Variants in TSPAN15 observed in about 807,000 individuals in gnomAD.
The protein encoded by TSPAN15 is tetraspanin-15.
In TSPAN15, 20 loss-of-function variants were observed where a neutral mutation model predicts 34.5. The observed-to-expected ratio is 0.58, with a 90% CI of 0.41 to 0.84. The LOEUF is 0.84. Ranked by LOEUF, TSPAN15 falls within the 40% of genes least tolerant of loss-of-function variation. The pLI is 0.00. For synonymous variants in TSPAN15, 155 were observed against 153.9 expected, an observed-to-expected ratio of 1.01 and a Z score of -0.05; for missense variants, 313 against 386.1, an observed-to-expected ratio of 0.81 and a Z score of 1.59.
chr10:69,515,458 A>ATC, the TSPAN15 span, among the ~76,000 whole-genome samples: 1 of 151,910 alleles, frequency 6.6e-6, no homozygotes. Context: ...CCACCTTCCC[A>ATC]TCTCCTCTGA....
chr10:69,456,237 A>G (rs1314886689), intron 1 of TSPAN15, among the ~76,000 whole-genome samples: 1 of 151,814 alleles, frequency 6.6e-6, no homozygotes, highest in Non-Finnish European at 1.5e-5. Context: ...ACAGGCGCCT[A>G]CTACCACGAT....
chr10:69,498,016 C>T (rs965533295), intron 4 of TSPAN15, among the ~76,000 whole-genome samples: 2 of 152,160 alleles, frequency 1.3e-5, no homozygotes, highest in Non-Finnish European at 2.9e-5. Flanking sequence ...GACCTTTCCT[C>T]CCAGTGCCTA....
At chr10:69,535,805 G>A in the TSPAN15 span, among the ~76,000 whole-genome samples, 1 of 152,238 alleles carries the variant, frequency 6.6e-6, no homozygotes, top group Non-Finnish European at 1.5e-5. Flanking sequence ...CCAGTCCAGA[G>A]TGAGACTTGG....
chr10:69,518,193 C>A, the TSPAN15 span, among the ~76,000 whole-genome samples: 2 of 152,154 alleles, frequency 1.3e-5, no homozygotes, highest in Non-Finnish European at 2.9e-5. Context: ...CAATGAATAG[C>A]AGATCTGAAA....
At chr10:69,496,220 C>A (rs561359949) in intron 4 of TSPAN15, among the ~76,000 whole-genome samples, 1 of 151,892 alleles carries the variant, frequency 6.6e-6, no homozygotes, top group Non-Finnish European at 1.5e-5. Context: ...GTGAACCAGA[C>A]GCCTCTCTTA....
intron 5 of TSPAN15, among the ~76,000 whole-genome samples, chr10:69,500,142 G>GATCCAACCTGGATCC (rs1200924013): frequency 6.6e-6 from 1 of 152,196 alleles, no homozygotes; most frequent in East Asian, 1.9e-4. Flanking sequence ...TCTTGTCCAG[G>GATCCAACCTGGATCC]AAGGTGCTCT....
intron 1 of TSPAN15, among the ~76,000 whole-genome samples, chr10:69,464,976 C>T (rs887795303): frequency 1.3e-5 from 2 of 152,206 alleles, no homozygotes; most frequent in African/African-American, 4.8e-5. Context: ...GCTGGGGGAA[C>T]CCTGTTCATG....
intron 1 of TSPAN15, among the ~76,000 whole-genome samples, chr10:69,453,240 A>T (rs1841013259): frequency 6.6e-6 from 1 of 152,118 alleles, no homozygotes; most frequent in African/African-American, 2.4e-5. Flanking sequence ...TTGAGCTATA[A>T]ATCAGCGGTT....
downstream of TSPAN15, among the ~76,000 whole-genome samples, chr10:69,512,027 A>G (rs1432076364): frequency 6.6e-6 from 1 of 152,242 alleles, no homozygotes; most frequent in East Asian, 1.9e-4. Flanking sequence ...ACCATGGCAC[A>G]TGTATACCTA....
At chr10:69,508,891 C>T (rs1201550709), downstream of TSPAN15, among the ~76,000 whole-genome samples, 1 of 152,210 alleles carries the variant, frequency 6.6e-6, no homozygotes, top group African/African-American at 2.4e-5. Flanking sequence ...ACTAGGCATG[C>T]AAAACCAGTG....
the TSPAN15 span, among the ~76,000 whole-genome samples, chr10:69,533,751 A>T: frequency 6.6e-6 from 1 of 152,234 alleles, no homozygotes; most frequent in Non-Finnish European, 1.5e-5. Context: ...GGTCAGAAGC[A>T]CAGGTAAAAC....
At chr10:69,508,900 T>C (rs1842386657), downstream of TSPAN15, among the ~76,000 whole-genome samples, 1 of 152,232 alleles carries the variant, frequency 6.6e-6, no homozygotes, top group South Asian at 2.1e-4. Context: ...GCAAAACCAG[T>C]GGAGGCTGCA....
At chr10:69,464,784 A>G (rs529202292) in intron 1 of TSPAN15, among the ~76,000 whole-genome samples, 2 of 152,172 alleles carry the variant, frequency 1.3e-5, no homozygotes, top group Non-Finnish European at 2.9e-5. Context: ...GCCACCCAGC[A>G]TGTGCCCCTG....
chr10:69,541,978 G>A, the TSPAN15 span, among the ~76,000 whole-genome samples: 1 of 152,214 alleles, frequency 6.6e-6, no homozygotes, highest in South Asian at 2.1e-4. Context: ...CGTTACTTAT[G>A]CAAATTTCTG....
intron 1 of TSPAN15, among the ~76,000 whole-genome samples, chr10:69,475,652 C>T (rs1225315999): frequency 6.6e-6 from 1 of 152,172 alleles, no homozygotes; most frequent in African/African-American, 2.4e-5. Flanking sequence ...CTAGCTCCTT[C>T]ACAGCCTGGA....
chr10:69,488,038 C>T (rs991082204), intron 3 of TSPAN15, among the ~76,000 whole-genome samples: 12 of 152,158 alleles, frequency 7.9e-5, no homozygotes, highest in African/African-American at 1.7e-4. Context: ...GCAGTAAGAT[C>T]GCTACAATGA....
At chr10:69,464,979 T>A (rs1047556272) in intron 1 of TSPAN15, among the ~76,000 whole-genome samples, 5 of 152,216 alleles carry the variant, frequency 3.3e-5, no homozygotes, top group Middle Eastern at 3.2e-3. Flanking sequence ...GGGGGAACCC[T>A]GTTCATGCCT....
chr10:69,483,478 T>C (rs1386853283), intron 1 of TSPAN15, among the ~76,000 whole-genome samples: 1 of 152,186 alleles, frequency 6.6e-6, no homozygotes, highest in Non-Finnish European at 1.5e-5. Context: ...AAGGGCCCTG[T>C]CTCCAAATAT....
At chr10:69,452,344 C>T (rs918991353) in intron 1 of TSPAN15, among the ~76,000 whole-genome samples, 2 of 152,186 alleles carry the variant, frequency 1.3e-5, no homozygotes, top group Non-Finnish European at 2.9e-5. Flanking sequence ...TGAATTCCGT[C>T]GCTCCGAGTG....
Sources: gnomAD v4.1 joint callset for allele counts (sites outside exome capture counted in the v4.1 genomes callset) on GRCh38, gnomAD v4.1.1 for gene constraint, MANE v1.5 for transcripts, NCBI Gene and HGNC (gene_info 2026-07-23, HGNC 2026-07-21) for gene names.